Variants in CFDP1 observed in about 807,000 individuals in gnomAD.
CFDP1 encodes heterochromatin-stabilizing protein CFDP1.
A neutral mutation model predicts 40.1 loss-of-function variants in CFDP1; 31 were observed. The ratio of observed to expected loss-of-function variants is 0.77; its 90% CI spans 0.58 to 1.04. The LOEUF is 1.04. Among genes scored for constraint, CFDP1 ranks in the 50% least tolerant of loss-of-function variants. The pLI is 0.00. For synonymous variants in CFDP1, 167 were observed against 120.0 expected (o/e 1.39, Z -2.56); for missense variants, 423 against 343.4 (o/e 1.23, Z -1.83).
chr16:75,404,170 C>T (rs2079079184), intron 4 of CFDP1, among the ~76,000 whole-genome samples: 1 of 151,240 alleles, frequency 6.6e-6, no homozygotes, highest in African/African-American at 2.4e-5. Context: ...TTTATGGAAC[C>T]CGAAAACAAC....
At chr16:75,324,301 C>A (rs1036354244) in intron 5 of CFDP1, among the ~76,000 whole-genome samples, 4 of 151,996 alleles carry the variant, frequency 2.6e-5, no homozygotes, top group Admixed American at 6.6e-5. Flanking sequence ...AAGTCCACAA[C>A]GAGGCAACAG....
chr16:75,370,022 C>T (rs1649778561), intron 5 of CFDP1, among the ~76,000 whole-genome samples: 1 of 152,024 alleles, frequency 6.6e-6, no homozygotes. Flanking sequence ...GATCTGCCCA[C>T]CTCGGCTCTC....
intron 5 of CFDP1, among the ~76,000 whole-genome samples, chr16:75,362,624 C>G (rs2078687367): frequency 1.3e-5 from 2 of 152,150 alleles, no homozygotes; most frequent in Non-Finnish European, 2.9e-5. Flanking sequence ...TTAAGGTACC[C>G]TCGAGAACAC....
chr16:75,313,934 C>A (rs2078309792), intron 5 of CFDP1, among the ~76,000 whole-genome samples: 1 of 152,050 alleles, frequency 6.6e-6, no homozygotes, highest in African/African-American at 2.4e-5. Flanking sequence ...GCCCAAGCTA[C>A]AGTGCAGTGG....
chr16:75,420,073 TTGAGTCCAGACTGAACAACACAGTG>T (rs2079260033), intron 1 of CFDP1, among the ~76,000 whole-genome samples: 1 of 146,738 alleles, frequency 6.8e-6, no homozygotes, highest in South Asian at 2.2e-4. Context: ...GCCCAGGAAT[TTGAGTCCAGACTGAACAACACAGTG>T]AGACCTTCAT....
At chr16:75,410,214 C>T (rs574578287) in intron 4 of CFDP1, among the ~76,000 whole-genome samples, 1 of 151,926 alleles carries the variant, frequency 6.6e-6, no homozygotes, top group Admixed American at 6.6e-5. Flanking sequence ...AGAGAGCCTA[C>T]AGGTCTAATT....
At position 75,430,729 on chromosome 16, in the gene CFDP1, G is replaced by C. The variant is rs540668777; in HGVS notation, c.64+2560C>G. ...TCCACCAGCCTCTGCCTCCCTAAGT[G>C]ATAGGATTATAGGCTCGAGCCACTG... On this transcript the variant is annotated intron_variant, in intron 1 of 6. Transcript: ENST00000283882. 4.2e-4 allele frequency among the ~76,000 whole-genome samples: 64 copies of C among 152,296 alleles called. No homozygotes were observed. The South Asian group carries it at 0.013, about 31-fold the overall frequency.
In CFDP1 at chr16:75,341,753, T is replaced by C. The variant is rs768942947; in HGVS notation, c.651-36571A>G. On this transcript the variant is annotated intron_variant, in intron 5 of 6. Coordinates refer to ENST00000283882, the MANE Select transcript of CFDP1 (RefSeq NM_006324.3). ...GGGGAGGCCAAGCTGTCCTGTTCTC[T>C]TTCTTCTTCTTGCTTTAGTATTTTC... Among the ~76,000 whole-genome samples, 4 of 152,158 alleles carry C rather than the reference T, an allele frequency of 2.6e-5. No individual in the cohort carries two copies. In the East Asian group the frequency reaches 5.8e-4, roughly 22 times the overall value.
chr16:75,339,234 T>G (rs1225917027), intron 5 of CFDP1, among the ~76,000 whole-genome samples: 2 of 152,188 alleles, frequency 1.3e-5, no homozygotes, highest in South Asian at 4.1e-4. Context: ...CTTTGGCTCA[T>G]TCGTCCTGCT....
At chr16:75,345,980 T>TA (rs2078560215) in intron 5 of CFDP1, among the ~76,000 whole-genome samples, 1 of 152,204 alleles carries the variant, frequency 6.6e-6, no homozygotes, top group Non-Finnish European at 1.5e-5. Context: ...TCCAGGTCTC[T>TA]ACTCAAGAAG....
At chr16:75,337,040 T>G (rs1445111536) in intron 5 of CFDP1, among the ~76,000 whole-genome samples, 1 of 152,234 alleles carries the variant, frequency 6.6e-6, no homozygotes, top group East Asian at 1.9e-4. Context: ...TTTGCTGTCT[T>G]TGTTTATGGC....
intron 5 of CFDP1, among the ~76,000 whole-genome samples, chr16:75,353,617 C>T (rs1246635329): frequency 4.0e-5 from 6 of 151,754 alleles, no homozygotes; most frequent in Middle Eastern, 6.3e-3. Flanking sequence ...GGCGCGGTGG[C>T]GGGCACCTAT....
intron 5 of CFDP1, chr16:75,394,876 G>T: frequency 4.1e-6 from 2 of 490,658 alleles, no homozygotes; most frequent in Non-Finnish European, 7.0e-6. Flanking sequence ...GCCCAGGCTG[G>T]TCACAAACTC....
Position 75,433,272 on chromosome 16 carries a change from CAG to C in CFDP1, c.64+15_64+16del. The C allele has an allele frequency of 6.3e-7, 1 of 1,590,814 alleles. No individual in the cohort carries two copies. Among genetic ancestry groups the C allele is most frequent in the Non-Finnish European group, 8.5e-7 (1 of 1,170,894 alleles). On this transcript the variant is annotated intron_variant, in intron 1 of 6. Transcript: ENST00000283882. ...GGGCGGGGCAATTCGCTTCTCGCCT[CAG>C]GCGGAATCGCTCACCCGACGGCACG...
intron 5 of CFDP1, among the ~76,000 whole-genome samples, chr16:75,348,143 T>C (rs1484700565): frequency 6.6e-6 from 1 of 152,162 alleles, no homozygotes; most frequent in Non-Finnish European, 1.5e-5. Flanking sequence ...AGAGACAAGG[T>C]CTCACTTACT....
At chr16:75,348,242 C>T (rs1164465057) in intron 5 of CFDP1, among the ~76,000 whole-genome samples, 1 of 152,170 alleles carries the variant, frequency 6.6e-6, no homozygotes, top group Non-Finnish European at 1.5e-5. Context: ...GCAGTCTTCC[C>T]TCCTCAGTCT....
intron 6 of CFDP1, among the ~76,000 whole-genome samples, chr16:75,297,620 A>G (rs1439729921): frequency 6.6e-6 from 1 of 152,216 alleles, no homozygotes; most frequent in Non-Finnish European, 1.5e-5. Flanking sequence ...GACTCAGCCC[A>G]GTCCACAGGG....
intron 5 of CFDP1, among the ~76,000 whole-genome samples, chr16:75,389,243 A>T (rs935541830): frequency 6.6e-6 from 1 of 152,220 alleles, no homozygotes; most frequent in Non-Finnish European, 1.5e-5. Context: ...TACTGGTAGT[A>T]AGGACTGGGG....
intron 5 of CFDP1, among the ~76,000 whole-genome samples, chr16:75,363,257 G>C (rs1017091531): frequency 7.1e-6 from 1 of 140,354 alleles, no homozygotes; most frequent in African/African-American, 2.6e-5. Context: ...CTTAATGTAT[G>C]AAAGTCTGAG....
Sources: gnomAD v4.1 joint callset for allele counts (sites outside exome capture counted in the v4.1 genomes callset) on GRCh38, gnomAD v4.1.1 for gene constraint, MANE v1.5 for transcripts, NCBI Gene and HGNC (gene_info 2026-07-23, HGNC 2026-07-21) for gene names.